The following PLXDC1 variants were observed in gnomAD, a reference collection of about 807,000 sequenced individuals.
PLXDC1 encodes plexin domain-containing protein 1.
PLXDC1 carries 39 observed loss-of-function variants against 61.3 expected under a neutral mutation model. That is an observed-to-expected ratio of 0.64 (90% CI 0.49 to 0.83). The LOEUF (loss-of-function observed/expected upper bound fraction) is 0.83, where lower values mean the gene tolerates loss of function less well. Among genes scored for constraint, PLXDC1 ranks in the 40% least tolerant of loss-of-function variants. The pLI is 0.00. For synonymous variants in PLXDC1, 212 were observed against 254.5 expected (o/e 0.83, Z 1.59); for missense variants, 596 against 666.5 (o/e 0.89, Z 1.17).
At chr17:39,128,165 A>ATATATGTGTGTATATG (rs1555573217) in intron 2 of PLXDC1, among the ~76,000 whole-genome samples, 7 of 99,150 alleles carry the variant, frequency 7.1e-5, no homozygotes, top group Admixed American at 4.4e-4. Context: ...ATATATATGT[A>ATATATGTGTGTATATG]TATATATGTA....
chr17:39,134,312 C>T (rs12940574), intron 2 of PLXDC1, among the ~76,000 whole-genome samples: 1 of 151,420 alleles, frequency 6.6e-6, no homozygotes, highest in Non-Finnish European at 1.5e-5. Context: ...GCCCCAGTCA[C>T]AGCCCTGCAG....
Position 39,145,368 on chromosome 17 carries a change from G to A in PLXDC1, c.77-5536C>T, listed in dbSNP as rs1051755047. ...CTGACCTCAGGAGGCCAGGTTGTGC[G>A]GCCCCAGAGCCTGGGCCAAGCCATC... is the stretch of plus-strand genomic sequence containing the variant. On this transcript the variant is annotated intron_variant, in intron 1 of 13. Coordinates refer to ENST00000315392, the MANE Select transcript of PLXDC1 (RefSeq NM_020405.5). Among the ~76,000 whole-genome samples, 7 of 152,258 alleles carry A rather than the reference G, an allele frequency of 4.6e-5. No homozygotes were observed. In the East Asian group the frequency reaches 9.7e-4, roughly 21 times the overall value.
intron 10 of PLXDC1, among the ~76,000 whole-genome samples, chr17:39,078,548 G>A (rs1182081033): frequency 6.6e-6 from 1 of 152,224 alleles, no homozygotes; most frequent in African/African-American, 2.4e-5. Flanking sequence ...GGGCAAAAAA[G>A]AGGGCACAGA....
chr17:39,141,934 CT>C (rs1911947369), intron 1 of PLXDC1, among the ~76,000 whole-genome samples: 1 of 152,114 alleles, frequency 6.6e-6, no homozygotes, highest in Admixed American at 6.6e-5. Context: ...TTTTCATATG[CT>C]TGTGGGCCAT....
chr17:39,079,002 A>T, intron 10 of PLXDC1, 102 bp downstream of exon 10: 1 of 907,368 alleles, frequency 1.1e-6, no homozygotes, highest in African/African-American at 1.6e-5. Context: ...GCCAAGAGCT[A>T]ATGCCACCTT....
intron 1 of PLXDC1, among the ~76,000 whole-genome samples, chr17:39,147,443 C>A (rs1009004045): frequency 2.6e-5 from 4 of 152,138 alleles, no homozygotes; most frequent in African/African-American, 9.7e-5. Context: ...ACTTGCTGCA[C>A]CTTGGGCAAC....
rs116339402 is a variant in PLXDC1, at chr17:39,104,552, G to T, written c.811+1302C>A. Among the ~76,000 whole-genome samples the T allele has an allele frequency of 8.7e-3, 1,318 of 152,310 alleles. 21 individuals carry two copies. The highest frequency in any genetic ancestry group is 0.03 in the African/African-American group (1,228 of 41,554). On this transcript the variant is annotated intron_variant, in intron 7 of 13. Coordinates refer to ENST00000315392, the MANE Select transcript of PLXDC1 (RefSeq NM_020405.5). The stretch of plus-strand genomic sequence containing the variant: ...TAATCCCAGCACTTTGGGATGCCAA[G>T]ATGGGAGGATCGTGTGAGTTCAGGA...
chr17:39,074,085 G>T (rs1909230275), intron 11 of PLXDC1, among the ~76,000 whole-genome samples: 1 of 152,174 alleles, frequency 6.6e-6, no homozygotes, highest in African/African-American at 2.4e-5. Flanking sequence ...GTATGGGAAA[G>T]ACTCTATCCC....
chr17:39,079,051 C>A, intron 10 of PLXDC1, 53 bp downstream of exon 10: 3 of 1,490,430 alleles, frequency 2.0e-6, no homozygotes, highest in Non-Finnish European at 2.8e-6. Context: ...TGGCTGCCCT[C>A]CTGTTCCCCA....
chr17:39,131,719 C>T (rs2143874313), intron 2 of PLXDC1: 1 of 152,988 alleles, frequency 6.5e-6, no homozygotes, highest in African/African-American at 2.4e-5. Context: ...CACCCCCCAA[C>T]TCTGCTCCCA....
chr17:39,111,387 C>T (rs569197890), intron 2 of PLXDC1, among the ~76,000 whole-genome samples: 20 of 152,286 alleles, frequency 1.3e-4, no homozygotes, highest in South Asian at 1.0e-3. Flanking sequence ...CGGGTTCAAG[C>T]GATTCTCGTG....
At chr17:39,104,512 G>A (rs1038360662) in intron 7 of PLXDC1, among the ~76,000 whole-genome samples, 1 of 152,206 alleles carries the variant, frequency 6.6e-6, no homozygotes, top group African/African-American at 2.4e-5. Flanking sequence ...GGTGGGGCAT[G>A]GGGGCTGACG....
At chr17:39,107,811 G>C (rs774695665) in intron 5 of PLXDC1, 1 of 567,814 alleles carries the variant, frequency 1.8e-6, no homozygotes, top group Admixed American at 3.1e-5. Flanking sequence ...AAGGAGGAAT[G>C]TCTGTTCTCC....
intron 4 of PLXDC1, 186 bp downstream of exon 4, chr17:39,108,718 G>C: frequency 3.3e-6 from 2 of 609,922 alleles, no homozygotes; most frequent in Admixed American, 2.6e-5. Flanking sequence ...GAGCAGGTCA[G>C]CTAATGCAAG....
rs866772838 is a variant in PLXDC1, at chr17:39,072,467, G to T, written c.1205C>A (p.Pro402His). 1 of 1,553,382 alleles carries T rather than the reference G, an allele frequency of 6.4e-7. No individual in the cohort carries two copies. The highest frequency in any genetic ancestry group is 1.9e-5 in the Admixed American group (1 of 51,714). ...LTTEDDTKLN[P>H]YAGGDGLQNN... ...GTACTCACCGTCTCCTCCTGCATAG[G>T]GATTCAACTTGGTGTCATCTTCAAA... Residue 402 changes from proline to histidine, a missense_variant, in exon 12 of 14, where the codon CCC becomes CAC. Pro to His is a moderately conservative substitution (Grantham distance 77, BLOSUM62 -2). Transcript: ENST00000315392.
chr17:39,139,861 C>T (rs373146212), intron 1 of PLXDC1, 29 bp from the exon 2 acceptor site: 2 of 1,573,026 alleles, frequency 1.3e-6, no homozygotes, highest in East Asian at 2.3e-5. Flanking sequence ...AACCTGAGTG[C>T]CAGCAGTCCG....
intron 1 of PLXDC1, among the ~76,000 whole-genome samples, chr17:39,144,379 A>G (rs1313737890): frequency 6.6e-6 from 1 of 152,212 alleles, no homozygotes; most frequent in Non-Finnish European, 1.5e-5. Flanking sequence ...TAAAGAGTCC[A>G]TGAAAGAGGG....
Position 39,145,787 on chromosome 17 carries a change from C to A in PLXDC1, c.76+5575G>T, listed in dbSNP as rs118176791. Among the ~76,000 whole-genome samples, 586 of 152,240 alleles carry A rather than the reference C, an allele frequency of 3.8e-3. 8 individuals are homozygous for A. Among genetic ancestry groups the A allele is most frequent in the Non-Finnish European group, 2.5e-3 (169 of 68,022 alleles). On this transcript the variant is annotated intron_variant, in intron 1 of 13. Coordinates refer to ENST00000315392, the MANE Select transcript of PLXDC1 (RefSeq NM_020405.5). ...GAATCAGACAAGCTAGACACTGAACCCTGAATCTACCACCTACTAACTACA... is the reference window on the plus strand; with the variant it reads ...GAATCAGACAAGCTAGACACTGAACACTGAATCTACCACCTACTAACTACA...
In PLXDC1 at chr17:39,123,025, G is replaced by A. The variant is rs537119771; in HGVS notation, c.256-13634C>T. ...CCCGTGAAGCGCTCCTCAGACCCTC[G>A]GGGTTCCATGGAGCACAATTCGAAA... On this transcript the variant is annotated intron_variant, in intron 2 of 13. Coordinates refer to ENST00000315392, the MANE Select transcript of PLXDC1 (RefSeq NM_020405.5). Among the ~76,000 whole-genome samples, 103 of 152,266 alleles carry A rather than the reference G, an allele frequency of 6.8e-4. 1 individual carries two copies. Among genetic ancestry groups the A allele is most frequent in the Admixed American group, 1.5e-3 (23 of 15,280 alleles).
Sources: gnomAD v4.1 joint callset for allele counts (sites outside exome capture counted in the v4.1 genomes callset) on GRCh38, gnomAD v4.1.1 for gene constraint, MANE v1.5 for transcripts, NCBI Gene and HGNC (gene_info 2026-07-23, HGNC 2026-07-21) for gene names.